The following MRTFA variants were observed in gnomAD, a reference collection of about 807,000 sequenced individuals.
MRTFA encodes myocardin-related transcription factor A.
A neutral mutation model predicts 83.5 loss-of-function variants in MRTFA; 20 were observed. That is an observed-to-expected ratio of 0.24 (90% confidence interval 0.17 to 0.35). MRTFA has a LOEUF of 0.35. Ranked by LOEUF, MRTFA falls within the 10% of genes least tolerant of loss-of-function variation. MRTFA has a pLI of 1.00. For missense variants in MRTFA, 1,200 were observed against 1,224.7 expected (o/e 0.98, Z 0.30); for synonymous variants, 659 against 541.2 (o/e 1.22, Z -3.02).
intron 7 of MRTFA, among the ~76,000 whole-genome samples, chr22:40,425,385 C>T (rs912416550): frequency 5.3e-5 from 8 of 152,218 alleles, no homozygotes; most frequent in Non-Finnish European, 8.8e-5. Context: ...GGTGAGCTGC[C>T]GCCCAAGCCT....
chr22:40,557,580 C>T (rs993942997), intron 2 of MRTFA, among the ~76,000 whole-genome samples: 1 of 151,554 alleles, frequency 6.6e-6, no homozygotes, highest in Non-Finnish European at 1.5e-5. Flanking sequence ...AGATCAGTCT[C>T]GGCAACATAG....
chr22:40,615,930 C>T (rs2056444482), intron 1 of MRTFA, among the ~76,000 whole-genome samples: 2 of 152,144 alleles, frequency 1.3e-5, no homozygotes, highest in African/African-American at 4.8e-5. Flanking sequence ...AGTGATCTGC[C>T]CGCCTCGGCC....
chr22:40,411,793 G>A lies in MRTFA; in HGVS notation c.2693C>T (p.Pro898Leu). 1.3e-6 allele frequency: 2 copies of A among 1,529,818 alleles called. No individual in the cohort carries two copies. Among genetic ancestry groups the A allele is most frequent in the Non-Finnish European group, 8.8e-7 (1 of 1,133,862 alleles). The allele number at this position is 1,529,818 out of a possible 1,614,324, so 94.8% of individuals were successfully genotyped here. Residue 898 changes from proline (P) to leucine (L), a missense_variant, in exon 15 of 15, where the codon CCC (proline) becomes CTC (leucine). Coordinates refer to ENST00000355630, the MANE Select transcript of MRTFA (RefSeq NM_020831.6). ...GCCTGGAGGAGGTGGGGCAGCCTGG[G>A]GGAGCTCAGCAGAAGGTGATGGCTG...
At chr22:40,485,776 G>A (rs1340741405) in intron 3 of MRTFA, among the ~76,000 whole-genome samples, 1 of 152,178 alleles carries the variant, frequency 6.6e-6, no homozygotes, top group Non-Finnish European at 1.5e-5. Flanking sequence ...TCACTTAGAG[G>A]AGGTTGCAAT....
chr22:40,604,514 C>A (rs535605091), intron 1 of MRTFA, among the ~76,000 whole-genome samples: 1 of 151,724 alleles, frequency 6.6e-6, no homozygotes, highest in East Asian at 2.0e-4. Context: ...TTTGGGAGAC[C>A]GAGGTGGGCA....
At position 40,508,125 on chromosome 22, in the gene MRTFA, G is replaced by C. The variant is rs575058688; in HGVS notation, c.241+43981C>G. 6.6e-5 allele frequency among the ~76,000 whole-genome samples: 10 copies of C among 151,868 alleles called. No homozygotes were observed. In the South Asian group the frequency reaches 2.1e-3, roughly 32 times the overall value. ...GCAGCAATTGAAGACAATTAGATTCGTCCCCAATTTGATTAAGTAAACAAC... is the reference window on the plus strand; with the variant it reads ...GCAGCAATTGAAGACAATTAGATTCCTCCCCAATTTGATTAAGTAAACAAC... On this transcript the variant is annotated intron_variant, in intron 3 of 14. Transcript: ENST00000355630.
intron 4 of MRTFA, among the ~76,000 whole-genome samples, chr22:40,440,513 C>A (rs754993429): frequency 2.0e-5 from 3 of 152,232 alleles, no homozygotes; most frequent in Non-Finnish European, 4.4e-5. Flanking sequence ...GCAATTTCAA[C>A]AGCTACTTCT....
chr22:40,565,851 T>C (rs2055695557), intron 2 of MRTFA, among the ~76,000 whole-genome samples: 1 of 152,228 alleles, frequency 6.6e-6, no homozygotes, highest in African/African-American at 2.4e-5. Flanking sequence ...TAGCCAACCC[T>C]TATTATAAAT....
At chr22:40,431,175 C>G (rs1010083216) in intron 6 of MRTFA, among the ~76,000 whole-genome samples, 2 of 152,066 alleles carry the variant, frequency 1.3e-5, no homozygotes, top group Non-Finnish European at 2.9e-5. Flanking sequence ...ATGGTGAGAC[C>G]CTGGAGAAGA....
intron 3 of MRTFA, among the ~76,000 whole-genome samples, chr22:40,495,451 C>CAA (rs1316601851): frequency 1.1e-4 from 13 of 121,554 alleles, no homozygotes; most frequent in Admixed American, 5.9e-4. Context: ...GACTCCGTCT[C>CAA]AAAAAAAAAA....
At chr22:40,435,615 T>A in intron 4 of MRTFA, 61 bp from the exon 5 acceptor site, 1 of 1,568,562 alleles carries the variant, frequency 6.4e-7, no homozygotes. Flanking sequence ...AGTGCTACGA[T>A]ATTCAGTGGA....
intron 5 of MRTFA, 95 bp downstream of exon 5, chr22:40,435,404 T>G: frequency 7.3e-7 from 1 of 1,369,042 alleles, no homozygotes; most frequent in Non-Finnish European, 1.0e-6. Flanking sequence ...GGCCTCAGAG[T>G]TCTATGGAAA....
chr22:40,513,956 T>C (rs1362228136), intron 3 of MRTFA, among the ~76,000 whole-genome samples: 3 of 151,488 alleles, frequency 2.0e-5, no homozygotes, highest in Admixed American at 2.0e-4. Flanking sequence ...TTTTTTTTTT[T>C]TAAGTTAAAA....
intron 4 of MRTFA, among the ~76,000 whole-genome samples, chr22:40,461,580 C>G (rs988798281): frequency 3.4e-5 from 5 of 145,598 alleles, no homozygotes; most frequent in Non-Finnish European, 6.0e-5. Flanking sequence ...GCCAAGAGAT[C>G]GAGACCAACC....
rs918851256 is a variant in MRTFA, at chr22:40,576,028, C to CTT, written c.-22+18644_-22+18645dup. Reference sequence around the variant, plus strand: ...GCACCATATGTATAGATGTAAATTTCTTTTTTTTTTTTTTTTTTGAGACGG... The same window carrying CTT: ...GCACCATATGTATAGATGTAAATTTCTTTTTTTTTTTTTTTTTTTTGAGACGG... On this transcript the variant is annotated intron_variant, in intron 2 of 14. Coordinates refer to ENST00000355630, the MANE Select transcript of MRTFA (RefSeq NM_020831.6). Among the ~76,000 whole-genome samples the CTT allele has an allele frequency of 5.7e-3, 753 of 131,386 alleles. 12 individuals carry two copies. The highest frequency in any genetic ancestry group is 9.4e-3 in the Non-Finnish European group (576 of 61,186). 86.2% of individuals were successfully genotyped at this position (131,386 alleles called of 152,430 possible).
At chr22:40,507,194 T>A (rs1392472077) in intron 3 of MRTFA, among the ~76,000 whole-genome samples, 2 of 152,010 alleles carry the variant, frequency 1.3e-5, no homozygotes, top group Admixed American at 6.6e-5. Context: ...ACCCCATCTC[T>A]ACAAAAAATA....
intron 7 of MRTFA, among the ~76,000 whole-genome samples, chr22:40,425,783 A>G (rs1240212291): frequency 1.3e-5 from 2 of 152,228 alleles, no homozygotes; most frequent in African/African-American, 4.8e-5. Context: ...ACGGTGAGCA[A>G]GGGTGGAGGA....
intron 1 of MRTFA, among the ~76,000 whole-genome samples, chr22:40,603,178 T>TAG (rs1433858838): frequency 6.6e-6 from 1 of 152,232 alleles, no homozygotes; most frequent in Non-Finnish European, 1.5e-5. Flanking sequence ...TCCCTAGGCT[T>TAG]AGAGAAGTCT....
rs1007646933 is a variant in MRTFA, at chr22:40,441,878, T to C, written c.308-6324A>G. On this transcript the variant is annotated intron_variant, in intron 4 of 14. Transcript: ENST00000355630. ...CACTTTCACACAGGCATCCAATATA[T>C]AGCAAAGGAGGAGCTCAGTGCTGTG... is the stretch of plus-strand genomic sequence containing the variant. Among the ~76,000 whole-genome samples the C allele has an allele frequency of 7.3e-5, 11 of 151,306 alleles. 1 individual carries two copies. Among genetic ancestry groups the C allele is most frequent in the Non-Finnish European group, 1.6e-4 (11 of 67,850 alleles).
Sources: allele counts gnomAD v4.1 joint callset (sites outside exome capture counted in the v4.1 genomes callset), GRCh38; gene constraint gnomAD v4.1.1; transcripts MANE v1.5; gene names NCBI Gene and HGNC (gene_info 2026-07-23, HGNC 2026-07-21).